The following GSTM2 variants were observed in gnomAD, a reference collection of about 807,000 sequenced individuals.
GSTM2 encodes glutathione S-transferase mu 2, also known as GST class-mu 2.
Under a neutral mutation model 33.3 loss-of-function variants are expected in GSTM2, and 33 were observed. The ratio of observed to expected loss-of-function variants is 0.99; its 90% CI spans 0.75 to 1.33. The LOEUF (loss-of-function observed/expected upper bound fraction) is 1.33, where lower values mean the gene tolerates loss of function less well. GSTM2 is among the 40% of genes most tolerant of loss of function. The pLI is 0.00. For synonymous variants in GSTM2, 93 were observed against 95.6 expected (o/e 0.97, Z 0.16); for missense variants, 213 against 265.8 (o/e 0.80, Z 1.38).
chr1:109,677,558 GAC>G (rs1356343094), downstream of GSTM2, among the ~76,000 whole-genome samples: 1 of 152,178 alleles, frequency 6.6e-6, no homozygotes, highest in Admixed American at 6.6e-5. Flanking sequence ...CAGGAGAAAG[GAC>G]ACACAATCTC....
chr1:109,671,849 T>G (rs1647554826), intron 7 of GSTM2, among the ~76,000 whole-genome samples: 1 of 151,578 alleles, frequency 6.6e-6, no homozygotes, highest in East Asian at 1.9e-4. Flanking sequence ...CGAGCACCTG[T>G]AATCCCAGCT....
intron 7 of GSTM2, among the ~76,000 whole-genome samples, chr1:109,674,054 G>C (rs183842012): frequency 6.6e-6 from 1 of 152,180 alleles, no homozygotes; most frequent in South Asian, 2.1e-4. Flanking sequence ...TCTGCTTTAA[G>C]GGGAATGATT....
rs1477841914 is a variant in GSTM2, at chr1:109,669,389, C to G, written c.259+18C>G. ...CAACCTGTGTGAGTAGATTTGGTTG[C>G]AAGATGCGGGGAGGGACCGTGGCCT... is the stretch of plus-strand genomic sequence containing the variant. On this transcript the variant is annotated intron_variant, in intron 4 of 7. Transcript: ENST00000241337. The G allele has an allele frequency of 1.2e-6, 2 of 1,614,162 alleles. No homozygotes were observed. Among genetic ancestry groups the G allele is most frequent in the Admixed American group, 1.7e-5 (1 of 60,030 alleles).
chr1:109,680,396 G>A (rs1647835805), intron 7 of GSTM2, among the ~76,000 whole-genome samples: 1 of 150,942 alleles, frequency 6.6e-6, no homozygotes, highest in Non-Finnish European at 1.5e-5. Context: ...TTTCTATATG[G>A]AAAGCACTGT....
chr1:109,668,225 G>A, intron 1 of GSTM2, 74 bp downstream of exon 1: 3 of 1,481,198 alleles, frequency 2.0e-6, no homozygotes, highest in Non-Finnish European at 2.8e-6. Context: ...TGCAGGACGG[G>A]CTCTAGGGAC....
intron 7 of GSTM2, among the ~76,000 whole-genome samples, chr1:109,672,805 G>A (rs1647594366): frequency 6.6e-6 from 1 of 152,160 alleles, no homozygotes; most frequent in Non-Finnish European, 1.5e-5. Flanking sequence ...ACATATGTGG[G>A]TGCCCCTGTT....
chr1:109,668,307 CG>C, intron 1 of GSTM2, 117 bp from the exon 2 acceptor site: 2 of 946,178 alleles, frequency 2.1e-6, no homozygotes, highest in Non-Finnish European at 3.2e-6. Flanking sequence ...GCTGGGCGTG[CG>C]GGGTGGGGGC....
intron 5 of GSTM2, chr1:109,670,582 G>T (rs879654480): frequency 1.3e-5 from 2 of 152,148 alleles, no homozygotes; most frequent in Non-Finnish European, 2.9e-5. Context: ...GACAGTAATG[G>T]TTACTTCCAG....
chr1:109,682,436 T>C (rs1272603360), intron 7 of GSTM2, among the ~76,000 whole-genome samples: 2 of 71,450 alleles, frequency 2.8e-5, no homozygotes, highest in Non-Finnish European at 7.4e-5. Flanking sequence ...GAGACAGGGT[T>C]TCACCATGTT....
chr1:109,669,609 T>C (rs200943711), intron 5 of GSTM2, 38 bp downstream of exon 5: 57 of 1,248,966 alleles, frequency 4.6e-5, no homozygotes, highest in African/African-American at 9.0e-5. Flanking sequence ...TCCCCTTCCC[T>C]ACTCCCAGTC....
At chr1:109,671,404 G>A (rs776843219) in intron 6 of GSTM2, 22 bp downstream of exon 6, 8 of 1,584,092 alleles carry the variant, frequency 5.1e-6, no homozygotes, top group African/African-American at 2.7e-5. Flanking sequence ...GTGTGATGGG[G>A]ACACCACAGA....
rs141364640 is a variant in GSTM2 at position 109,671,574 on chromosome 1, C to G, written c.558C>G (p.Ser186=). 1.1e-5 allele frequency: 18 copies of G among 1,578,952 alleles called. No individual in the cohort carries two copies. In the African/African-American group the frequency reaches 2.2e-4, roughly 19 times the overall value. ...TCCCAAACCTGAAGGACTTCATCTC[C>G]CGATTTGAGGTGATGCCCCCAGCCT... is the stretch of plus-strand genomic sequence containing the variant. ...DAFPNLKDFI[S]RFEGLEKISA... Residue 186 remains serine (S), a synonymous_variant, in exon 7 of 8, where the codon TCC becomes TCG. Coordinates refer to ENST00000241337, the MANE Select transcript of GSTM2 (RefSeq NM_000848.4).
In GSTM2 at chr1:109,669,550, ACT is replaced by A. The variant is rs749140476; in HGVS notation, c.342_343del (p.Cys115LeufsTer2). The A allele has an allele frequency of 7.5e-6, 12 of 1,609,332 alleles. No homozygotes were observed. The highest frequency in any genetic ancestry group is 1.1e-5 in the South Asian group (1 of 91,016). On this transcript the variant is annotated frameshift_variant, in exon 5 of 8. Coordinates refer to ENST00000241337, the MANE Select transcript of GSTM2 (RefSeq NM_000848.4). LOFTEE classifies it high-confidence loss of function. ...TGGACAGCCGTATGCAGCTGGCCAA[ACT>A]CTGCTATGACCCAGATTTTGTAAGT... ...FMDSRMQLAK[L>X]CYDPDFEKLK...
intron 7 of GSTM2, among the ~76,000 whole-genome samples, chr1:109,672,282 A>G (rs1314426419): frequency 6.6e-6 from 1 of 151,892 alleles, no homozygotes; most frequent in Non-Finnish European, 1.5e-5. Flanking sequence ...CTCCATCTCA[A>G]ACAAAAAAAA....
At chr1:109,674,015 T>C (rs191353473) in intron 7 of GSTM2, among the ~76,000 whole-genome samples, 87 of 152,338 alleles carry the variant, frequency 5.7e-4, no homozygotes, top group East Asian at 3.1e-3. Flanking sequence ...GAGATTTTGC[T>C]AAGATACCAG....
At chr1:109,671,733 G>A in intron 7 of GSTM2, 150 bp downstream of exon 7, 1 of 682,278 alleles carries the variant, frequency 1.5e-6, no homozygotes, top group Non-Finnish European at 2.7e-6. Context: ...TTTGGAGGCT[G>A]AGGGAGGCAG....
chr1:109,679,912 A>G (rs1647816112), downstream of GSTM2, among the ~76,000 whole-genome samples: 1 of 152,136 alleles, frequency 6.6e-6, no homozygotes, highest in East Asian at 1.9e-4. Context: ...CCAAACTGTC[A>G]GGGCCCAGAG....
Position 109,669,462 on chromosome 1 carries a change from C to G in GSTM2, c.260-9C>G, listed in dbSNP as rs749281284. ...TGAGGCTGAGAGTGAATCTGCTTTACGAGGGTAGGCGGGGAATCAGAAAAG... is the reference window on the plus strand; with the variant it reads ...TGAGGCTGAGAGTGAATCTGCTTTAGGAGGGTAGGCGGGGAATCAGAAAAG... On this transcript the variant is annotated splice_polypyrimidine_tract_variant and intron_variant, in intron 4 of 7. Transcript: ENST00000241337. 1.9e-6 allele frequency: 3 copies of G among 1,613,646 alleles called. No homozygotes were observed. The highest frequency in any genetic ancestry group is 2.2e-5 in the South Asian group (2 of 91,086).
chr1:109,669,404 G>A (rs1647448222), intron 4 of GSTM2, 33 bp downstream of exon 4: 3 of 1,613,074 alleles, frequency 1.9e-6, no homozygotes, highest in African/African-American at 2.7e-5. Context: ...TGCGGGGAGG[G>A]ACCGTGGCCT....
Sources: gnomAD v4.1 joint callset for allele counts (sites outside exome capture counted in the v4.1 genomes callset) on GRCh38, gnomAD v4.1.1 for gene constraint, MANE v1.5 for transcripts, NCBI Gene and HGNC (gene_info 2026-07-23, HGNC 2026-07-21) for gene names.